SLC4A4: variants seen among roughly 807,000 people sequenced by gnomAD.
The protein encoded by SLC4A4 is solute carrier family 4 member 4.
Under a neutral mutation model 111.5 loss-of-function variants are expected in SLC4A4, and 27 were observed. The observed-to-expected ratio is 0.24, with a 90% CI of 0.18 to 0.33. SLC4A4 has a LOEUF of 0.33. Among genes scored for constraint, SLC4A4 ranks in the 10% least tolerant of loss-of-function variants. The pLI, the probability that SLC4A4 is intolerant of heterozygous loss-of-function variation, is 1.00. For missense variants in SLC4A4, 909 were observed against 1,315.5 expected (o/e 0.69, Z 4.78); for synonymous variants, 443 against 463.4 (o/e 0.96, Z 0.57).
chr4:71,456,289 A>G (rs1446171924), intron 12 of SLC4A4, among the ~76,000 whole-genome samples: 1 of 152,158 alleles, frequency 6.6e-6, no homozygotes, highest in Non-Finnish European at 1.5e-5. Context: ...CTAGAATACA[A>G]TTTTGATACA....
In SLC4A4 at chr4:71,447,740, A is replaced by G; in HGVS notation, c.1053+7A>G. ...CACCCTGATGTCTGATGAGGTAGGAAATCAGGAAGATGGAGTTCTGTGAAT... is the reference window on the plus strand; with the variant it reads ...CACCCTGATGTCTGATGAGGTAGGAGATCAGGAAGATGGAGTTCTGTGAAT... On this transcript the variant is annotated splice_region_variant and intron_variant, in intron 9 of 25. Transcript: ENST00000264485. 2 of 1,571,814 alleles carry G rather than the reference A, an allele frequency of 1.3e-6. No homozygotes were observed.
At chr4:71,357,365 G>T (rs1004641228) in intron 6 of SLC4A4, among the ~76,000 whole-genome samples, 178 bp downstream of exon 6, 1 of 152,106 alleles carries the variant, frequency 6.6e-6, no homozygotes, top group African/African-American at 2.4e-5. Context: ...AGTCTTGCTG[G>T]AAAGATTTCC....
intron 2 of SLC4A4, among the ~76,000 whole-genome samples, chr4:71,118,829 T>C (rs1743342127): frequency 1.3e-5 from 2 of 152,188 alleles, no homozygotes; most frequent in African/African-American, 4.8e-5. Context: ...TATATTGTAA[T>C]TTGGTTTTTA....
intron 1 of SLC4A4, among the ~76,000 whole-genome samples, chr4:71,214,831 A>G (rs772981577): frequency 2.0e-5 from 3 of 152,202 alleles, no homozygotes; most frequent in Non-Finnish European, 2.9e-5. Flanking sequence ...AGTGAGGGGC[A>G]TCTCCACCCA....
intron 5 of SLC4A4, among the ~76,000 whole-genome samples, chr4:71,353,587 T>C (rs1460865082): frequency 6.6e-6 from 1 of 152,232 alleles, no homozygotes. Context: ...TGAGAAGTTA[T>C]AGTCGTTATT....
chr4:71,310,517 G>A (rs1373785803), intron 3 of SLC4A4, among the ~76,000 whole-genome samples: 1 of 152,216 alleles, frequency 6.6e-6, no homozygotes, highest in Non-Finnish European at 1.5e-5. Flanking sequence ...AGCCAGAAGA[G>A]AGTGGGGCCC....
rs193157617 is a variant in SLC4A4 at position 71,490,351 on chromosome 4, G to A, written c.1974+3333G>A. Reference sequence around the variant, plus strand: ...TCAGATTCCTTTTTTTTAAATTGAGGCATACCTTAAAATACACAGTTCTGA... The same window carrying A: ...TCAGATTCCTTTTTTTTAAATTGAGACATACCTTAAAATACACAGTTCTGA... On this transcript the variant is annotated intron_variant, in intron 15 of 25. Coordinates refer to ENST00000264485, the MANE Select transcript of SLC4A4 (RefSeq NM_001098484.3). Among the ~76,000 whole-genome samples the A allele has an allele frequency of 6.6e-5, 10 of 151,760 alleles. No individual in the cohort carries two copies. The East Asian group carries it at 1.6e-3, about 24-fold the overall frequency.
At chr4:71,468,610 C>A (rs1727594683) in intron 13 of SLC4A4, among the ~76,000 whole-genome samples, 1 of 151,836 alleles carries the variant, frequency 6.6e-6, no homozygotes, top group South Asian at 2.1e-4. Flanking sequence ...AATCTCAATG[C>A]TATATCATTT....
intron 16 of SLC4A4, among the ~76,000 whole-genome samples, chr4:71,504,939 C>G (rs911166233): frequency 1.3e-5 from 2 of 152,084 alleles, no homozygotes; most frequent in Admixed American, 6.6e-5. Flanking sequence ...TCCATGTGTT[C>G]TCATCATTTA....
chr4:71,339,709 G>T (rs1728731395), intron 4 of SLC4A4, among the ~76,000 whole-genome samples: 2 of 151,824 alleles, frequency 1.3e-5, no homozygotes, highest in African/African-American at 2.4e-5. Flanking sequence ...TTCACTATTG[G>T]GGCATTGTTT....
chr4:71,349,594 C>G (rs1345482761), intron 4 of SLC4A4, among the ~76,000 whole-genome samples: 2 of 152,064 alleles, frequency 1.3e-5, no homozygotes, highest in Non-Finnish European at 2.9e-5. Flanking sequence ...TATTTTTCTA[C>G]CTTATTAAAA....
At chr4:71,206,590 C>G (rs1296894826) in intron 1 of SLC4A4, among the ~76,000 whole-genome samples, 8 of 152,074 alleles carry the variant, frequency 5.3e-5, no homozygotes, top group Non-Finnish European at 8.8e-5. Context: ...GAGTTCAAAA[C>G]TGTTTAGTTC....
intron 6 of SLC4A4, among the ~76,000 whole-genome samples, chr4:71,373,304 C>A (rs542609118): frequency 6.6e-6 from 1 of 152,252 alleles, no homozygotes; most frequent in South Asian, 2.1e-4. Context: ...ACAGTGTGTA[C>A]AACAGTAGCA....
chr4:71,507,423 GA>G (rs1306180479), intron 16 of SLC4A4, among the ~76,000 whole-genome samples: 2 of 151,798 alleles, frequency 1.3e-5, no homozygotes, highest in African/African-American at 4.8e-5. Context: ...ATGGAAAACA[GA>G]AAAAAAGCTT....
At chr4:71,391,428 A>G (rs530407773) in intron 6 of SLC4A4, among the ~76,000 whole-genome samples, 1 of 152,056 alleles carries the variant, frequency 6.6e-6, no homozygotes, top group Non-Finnish European at 1.5e-5. Context: ...TGTGCCATAG[A>G]TTCTCCTCAC....
chr4:71,280,040 C>T (rs1723388334), intron 3 of SLC4A4, among the ~76,000 whole-genome samples: 1 of 152,180 alleles, frequency 6.6e-6, no homozygotes, highest in Non-Finnish European at 1.5e-5. Flanking sequence ...GTGATCTGCC[C>T]ACCTTGGCCT....
At chr4:71,155,953 A>G (rs540744204) in intron 2 of SLC4A4, among the ~76,000 whole-genome samples, 1 of 152,226 alleles carries the variant, frequency 6.6e-6, no homozygotes, top group Non-Finnish European at 1.5e-5. Context: ...TAAACTTTGC[A>G]AGTCATGATT....
At chr4:71,326,075 A>G (rs1357318994) in intron 3 of SLC4A4, among the ~76,000 whole-genome samples, 1 of 151,892 alleles carries the variant, frequency 6.6e-6, no homozygotes, top group Non-Finnish European at 1.5e-5. Context: ...CCTTATGTCT[A>G]CTTAGCCTCC....
At chr4:71,120,936 GC>G (rs1395935005) in intron 2 of SLC4A4, among the ~76,000 whole-genome samples, 2 of 152,196 alleles carry the variant, frequency 1.3e-5, no homozygotes, top group African/African-American at 4.8e-5. Flanking sequence ...AGGGAGAGGC[GC>G]CGGCAGGAAC....
Sources: gnomAD v4.1 joint callset for allele counts (sites outside exome capture counted in the v4.1 genomes callset) on GRCh38, gnomAD v4.1.1 for gene constraint, MANE v1.5 for transcripts, NCBI Gene and HGNC (gene_info 2026-07-23, HGNC 2026-07-21) for gene names.